The following NPC1 variants were observed in gnomAD, a reference collection of about 807,000 sequenced individuals.
NPC1 encodes Niemann-Pick C1 protein.
NPC1 carries 85 observed loss-of-function variants against 140.4 expected under a neutral mutation model. The ratio of observed to expected loss-of-function variants is 0.61; its 90% CI spans 0.51 to 0.72. The LOEUF (loss-of-function observed/expected upper bound fraction) is 0.72, where lower values mean the gene tolerates loss of function less well. NPC1 is among the 30% of genes least tolerant of loss of function. The pLI, the probability that NPC1 is intolerant of heterozygous loss-of-function variation, is 0.00. For synonymous variants in NPC1, 656 were observed against 624.8 expected, an observed-to-expected ratio of 1.05 and a Z score of -0.74; for missense variants, 1,504 against 1,623.8, an observed-to-expected ratio of 0.93 and a Z score of 1.27.
chr18:23,584,970 C>T (rs188372175), intron 1 of NPC1, among the ~76,000 whole-genome samples: 2 of 152,176 alleles, frequency 1.3e-5, no homozygotes, highest in Non-Finnish European at 2.9e-5. Context: ...CTGCTTGAGG[C>T]CAGGAGTTCC....
At chr18:23,563,551 A>G (rs1401613160) in intron 4 of NPC1, among the ~76,000 whole-genome samples, 2 of 152,074 alleles carry the variant, frequency 1.3e-5, no homozygotes, top group Non-Finnish European at 2.9e-5. Context: ...CCTCTCAAGT[A>G]GCTGGGACTA....
intron 11 of NPC1, among the ~76,000 whole-genome samples, chr18:23,546,329 C>T (rs566413445): frequency 1.1e-3 from 166 of 151,126 alleles, no homozygotes; most frequent in Admixed American, 4.0e-3. Context: ...CCACTTCACA[C>T]CCATGAAGAT....
Position 23,548,072 on chromosome 18 carries a change from G to A in NPC1, c.1691C>T (p.Thr564Ile). 1 of 1,612,062 alleles carries A rather than the reference G, an allele frequency of 6.2e-7. No individual in the cohort carries two copies. The highest frequency in any genetic ancestry group is 8.5e-7 in the Non-Finnish European group (1 of 1,178,186). The change falls in exon 11 of 25, where the codon ACC becomes ATC. Residue 564 changes from threonine to isoleucine, a missense_variant. Coordinates refer to ENST00000269228, the MANE Select transcript of NPC1 (RefSeq NM_000271.5). ...NYNNATALVI[T>I]FPVNNYYNDT... Reference sequence around the variant, plus strand: ...ATTATAGTAATTATTGACAGGGAAGGTAATCACAAGGGCAGTGGCGTTATT... The same window carrying A: ...ATTATAGTAATTATTGACAGGGAAGATAATCACAAGGGCAGTGGCGTTATT...
At position 23,557,136 on chromosome 18, in the gene NPC1, A is replaced by C. The variant is rs377568493; in HGVS notation, c.936T>G (p.Ser312=). ...YTPIDSNIAF[S]VNASDKGEAS... ...GCCTACCTTTGTCACTTGCATTAAC[A>C]GAAAAAGCTATATTGCTATCGATGG... Residue 312 remains serine, a synonymous_variant, in exon 7 of 25, where the codon TCT becomes TCG. Transcript: ENST00000269228. 5.6e-6 allele frequency: 9 copies of C among 1,613,638 alleles called. No individual in the cohort carries two copies. The African/African-American group carries it at 8.0e-5, about 14-fold the overall frequency.
chr18:23,540,649 T>A, intron 16 of NPC1, 112 bp from the exon 17 acceptor site: 1 of 817,682 alleles, frequency 1.2e-6, no homozygotes, highest in Non-Finnish European at 2.1e-6. Flanking sequence ...TGGAAAAGCT[T>A]AAATGACAGG....
At chr18:23,555,132 T>C (rs2058931199) in intron 8 of NPC1, 148 bp from the exon 9 acceptor site, 17 of 695,840 alleles carry the variant, frequency 2.4e-5, no homozygotes, top group South Asian at 2.4e-4. Context: ...TAAGATGCAA[T>C]ACAGTAAGAA....
chr18:23,530,278 T>TATC, downstream of NPC1: 1 of 1,614,250 alleles, frequency 6.2e-7, no homozygotes, highest in Non-Finnish European at 8.5e-7. Context: ...GCTCATCAGC[T>TATC]ATCTCTGGAC....
At chr18:23,574,767 T>C (rs1472774620) in intron 1 of NPC1, among the ~76,000 whole-genome samples, 1 of 152,208 alleles carries the variant, frequency 6.6e-6, no homozygotes. Context: ...AGGGAAATTA[T>C]ACAAATAAGG....
At chr18:23,520,872 C>T (rs1437343797), downstream of NPC1, among the ~76,000 whole-genome samples, 2 of 152,176 alleles carry the variant, frequency 1.3e-5, no homozygotes, top group African/African-American at 2.4e-5. Flanking sequence ...TGCACCACCA[C>T]GCCCAGCTAA....
chr18:23,537,693 AG>A (rs2058652424), intron 20 of NPC1, among the ~76,000 whole-genome samples: 1 of 152,354 alleles, frequency 6.6e-6, no homozygotes, highest in South Asian at 2.1e-4. Flanking sequence ...GAGGCTCCCC[AG>A]GAACGGTGGC....
chr18:23,561,204 G>T (rs1196546798), intron 5 of NPC1, among the ~76,000 whole-genome samples, 156 bp downstream of exon 5: 2 of 152,170 alleles, frequency 1.3e-5, no homozygotes, highest in Non-Finnish European at 1.5e-5. Flanking sequence ...TAGAGATGGG[G>T]CCTCACTACA....
intron 4 of NPC1, among the ~76,000 whole-genome samples, chr18:23,567,806 G>A (rs1482589037): frequency 6.6e-6 from 1 of 152,172 alleles, no homozygotes. Context: ...GTAAGTGGTG[G>A]AGTACATTAG....
At position 23,586,479 on chromosome 18, in the gene NPC1, C is replaced by A. The variant is rs1229768330; in HGVS notation, c.-136G>T. On this transcript the variant is annotated 5_prime_UTR_variant, in exon 1 of 25. Transcript: ENST00000269228. ...GAGCAGGAGCAGGCGCTGACCGCGGCAGCAGGCTGCGCGCGCCGGTCAGGA... is the reference window on the plus strand; with the variant it reads ...GAGCAGGAGCAGGCGCTGACCGCGGAAGCAGGCTGCGCGCGCCGGTCAGGA... The A allele has an allele frequency of 2.8e-6, 4 of 1,432,544 alleles. No homozygotes were observed. The highest frequency in any genetic ancestry group is 1.5e-5 in the African/African-American group (1 of 66,868). The allele number at this position is 1,432,544 out of a possible 1,614,324, so 88.7% of individuals were successfully genotyped here.
At chr18:23,515,537 T>C (rs1347477791) in intron 3 of NPC1, among the ~76,000 whole-genome samples, 1 of 152,214 alleles carries the variant, frequency 6.6e-6, no homozygotes, top group Non-Finnish European at 1.5e-5. Context: ...TATTGATTTA[T>C]TTATTAATTG....
Position 23,537,832 on chromosome 18 carries a change from C to T in NPC1, c.3041+710G>A, listed in dbSNP as rs910261259. Among the ~76,000 whole-genome samples the T allele has an allele frequency of 7.2e-5, 11 of 152,152 alleles. No individual in the cohort carries two copies. In the East Asian group the frequency reaches 2.1e-3, roughly 29 times the overall value. ...TTTAGGAGGAGTCATCCCATGATAC[C>T]TCGAATAGGTCTCAAAGCACATGCA... is the stretch of plus-strand genomic sequence containing the variant. On this transcript the variant is annotated intron_variant, in intron 20 of 24. Coordinates refer to ENST00000269228, the MANE Select transcript of NPC1 (RefSeq NM_000271.5).
At chr18:23,551,156 C>T (rs1045082295) in intron 10 of NPC1, among the ~76,000 whole-genome samples, 2 of 152,156 alleles carry the variant, frequency 1.3e-5, no homozygotes, top group South Asian at 4.1e-4. Context: ...CTGCTCTTCA[C>T]ACTGTAAGAG....
intron 9 of NPC1, 131 bp from the exon 10 acceptor site, chr18:23,551,858 A>G (rs980839927): frequency 2.7e-6 from 2 of 747,516 alleles, no homozygotes; most frequent in Non-Finnish European, 4.8e-6. Context: ...GAGGTTTCTC[A>G]GTTGAGTAAT....
downstream of NPC1, among the ~76,000 whole-genome samples, chr18:23,525,457 G>A (rs1430705841): frequency 1.3e-5 from 2 of 151,634 alleles, no homozygotes; most frequent in South Asian, 2.1e-4. Flanking sequence ...ACGGAATCTC[G>A]CTTTGTCACC....
At chr18:23,542,751 G>A (rs543595123) in intron 14 of NPC1, among the ~76,000 whole-genome samples, 5 of 152,324 alleles carry the variant, frequency 3.3e-5, no homozygotes, top group Non-Finnish European at 1.5e-5. Flanking sequence ...TCTTGTAAGC[G>A]AGTGCCTGTG....
Sources: allele counts gnomAD v4.1 joint callset (sites outside exome capture counted in the v4.1 genomes callset), GRCh38; gene constraint gnomAD v4.1.1; transcripts MANE v1.5; gene names NCBI Gene and HGNC (gene_info 2026-07-23, HGNC 2026-07-21).